The following LOC128092253 variants were observed in gnomAD, a reference collection of about 807,000 sequenced individuals.
At chr6:133,974,495 G>A in the LOC128092253 span, among the ~76,000 whole-genome samples, 21 of 152,200 alleles carry the variant, frequency 1.4e-4, no homozygotes, top group Admixed American at 9.2e-4. Flanking sequence ...CACCACGCCC[G>A]GCTGATTTTT....
chr6:133,960,921 A>G, the LOC128092253 span, among the ~76,000 whole-genome samples: 1 of 152,242 alleles, frequency 6.6e-6, no homozygotes, highest in Non-Finnish European at 1.5e-5. Flanking sequence ...TGTTTTAATT[A>G]AAATAATTCT....
At chr6:133,961,710 C>T in the LOC128092253 span, among the ~76,000 whole-genome samples, 4 of 152,050 alleles carry the variant, frequency 2.6e-5, no homozygotes, top group East Asian at 3.9e-4. Context: ...GTGATCCATG[C>T]GCCTTGGCCT....
At chr6:133,963,934 G>T in the LOC128092253 span, among the ~76,000 whole-genome samples, 6 of 151,774 alleles carry the variant, frequency 4.0e-5, no homozygotes, top group African/African-American at 1.5e-4. Flanking sequence ...GCAGCTACTC[G>T]GGAGGCTGAG....
chr6:133,980,010 T>C, the LOC128092253 span: 2 of 1,147,684 alleles, frequency 1.7e-6, no homozygotes, highest in Non-Finnish European at 2.3e-6. Context: ...TTTTTACATT[T>C]CAATTTCAAA....
chr6:133,961,030 G>C, the LOC128092253 span, among the ~76,000 whole-genome samples: 1 of 152,190 alleles, frequency 6.6e-6, no homozygotes, highest in African/African-American at 2.4e-5. Flanking sequence ...TTAGTAACTT[G>C]TTAGGTGTAG....
the LOC128092253 span, among the ~76,000 whole-genome samples, chr6:133,961,064 C>T: frequency 6.6e-6 from 1 of 151,974 alleles, no homozygotes; most frequent in African/African-American, 2.4e-5. Flanking sequence ...TATAATATAC[C>T]AGAAAGTGAA....
At chr6:133,972,903 C>T in the LOC128092253 span, among the ~76,000 whole-genome samples, 1 of 152,038 alleles carries the variant, frequency 6.6e-6, no homozygotes, top group Non-Finnish European at 1.5e-5. Flanking sequence ...GGTATTATCA[C>T]CAATTTATAG....
the LOC128092253 span, among the ~76,000 whole-genome samples, chr6:133,965,042 A>G: frequency 2.6e-5 from 4 of 152,196 alleles, no homozygotes; most frequent in African/African-American, 9.7e-5. Context: ...CTTGATCTTG[A>G]TGCATGCCAA....
At chr6:133,961,910 C>G in the LOC128092253 span, among the ~76,000 whole-genome samples, 3 of 152,050 alleles carry the variant, frequency 2.0e-5, no homozygotes, top group African/African-American at 7.3e-5. Context: ...TCTTTTTCTT[C>G]CACTGAAATA....
chr6:133,973,843 C>T, the LOC128092253 span, among the ~76,000 whole-genome samples: 2 of 152,030 alleles, frequency 1.3e-5, no homozygotes, highest in African/African-American at 4.8e-5. Context: ...AGAAACAGGA[C>T]AAAACACCTG....
At chr6:133,972,256 C>T in the LOC128092253 span, among the ~76,000 whole-genome samples, 1 of 152,174 alleles carries the variant, frequency 6.6e-6, no homozygotes, top group Non-Finnish European at 1.5e-5. Flanking sequence ...ACAAAATTAA[C>T]AGTAATTTCA....
chr6:133,965,645 T>C, the LOC128092253 span, among the ~76,000 whole-genome samples: 2 of 152,050 alleles, frequency 1.3e-5, no homozygotes, highest in Non-Finnish European at 2.9e-5. Context: ...AATTTAGTGC[T>C]TTTTTCAGTA....
the LOC128092253 span, among the ~76,000 whole-genome samples, chr6:133,975,649 G>A: frequency 1.3e-5 from 2 of 152,236 alleles, no homozygotes; most frequent in South Asian, 2.1e-4. Flanking sequence ...TGAAGTATTA[G>A]CAAACCAGAT....
the LOC128092253 span, among the ~76,000 whole-genome samples, chr6:133,968,165 T>G: frequency 3.2e-4 from 49 of 152,154 alleles, no homozygotes; most frequent in South Asian, 9.6e-3. Context: ...ATTTTTGTAT[T>G]TTTAGTAGGG....
At chr6:133,966,294 T>C in the LOC128092253 span, among the ~76,000 whole-genome samples, 1 of 152,196 alleles carries the variant, frequency 6.6e-6, no homozygotes, top group East Asian at 1.9e-4. Context: ...CCAAGGAGAC[T>C]ATAAATAGGA....
the LOC128092253 span, among the ~76,000 whole-genome samples, chr6:133,976,967 CAA>C: frequency 4.0e-4 from 25 of 62,140 alleles, no homozygotes; most frequent in Admixed American, 3.7e-4. Flanking sequence ...GACTTGGTCT[CAA>C]AAAAAAAAAA....
chr6:133,954,967 A>G, the LOC128092253 span, among the ~76,000 whole-genome samples: 1 of 152,194 alleles, frequency 6.6e-6, no homozygotes, highest in African/African-American at 2.4e-5. Context: ...TGTTAAAGGA[A>G]TTTCATTCAT....
At chr6:133,962,548 T>G in the LOC128092253 span, among the ~76,000 whole-genome samples, 4 of 152,182 alleles carry the variant, frequency 2.6e-5, no homozygotes, top group African/African-American at 9.7e-5. Context: ...TAGAGCAAGA[T>G]TTCTTGAGGT....
the LOC128092253 span, among the ~76,000 whole-genome samples, chr6:133,954,292 A>G: frequency 1.3e-5 from 2 of 152,220 alleles, no homozygotes; most frequent in African/African-American, 4.8e-5. Flanking sequence ...ACAGTGCCTT[A>G]AAACTGTGAC....
Sources: gnomAD v4.1 joint callset for allele counts (sites outside exome capture counted in the v4.1 genomes callset) on GRCh38, gnomAD v4.1.1 for gene constraint, MANE v1.5 for transcripts.